Variants in PCDHGB4 observed in about 807,000 individuals in gnomAD.
PCDHGB4 encodes the protein protocadherin gamma subfamily B, 4, also known as protocadherin gamma-B4.
PCDHGB4 carries 38 observed loss-of-function variants against 60.5 expected under a neutral mutation model. The observed-to-expected ratio is 0.63, with a 90% confidence interval of 0.48 to 0.82. PCDHGB4 has a LOEUF of 0.82. Among genes scored for constraint, PCDHGB4 ranks in the 40% least tolerant of loss-of-function variants. The probability of loss-of-function intolerance (pLI) is 0.00; values close to 1 mark genes in which losing one functional copy is unlikely to be tolerated. For missense variants in PCDHGB4, 1,109 were observed against 1,209.6 expected (o/e 0.92, Z 1.23); for synonymous variants, 456 against 509.7 (o/e 0.89, Z 1.42).
chr5:141,398,890 G>A (rs763743728), intron 1 of PCDHGB4: 1 of 1,613,920 alleles, frequency 6.2e-7, no homozygotes, highest in East Asian at 2.2e-5. Context: ...TCGGGAAAAC[G>A]TGCCACCAGG....
rs778336882 is a variant in PCDHGB4, at chr5:141,388,993, G to A, written c.1109G>A (p.Arg370His). The A allele has an allele frequency of 6.2e-7, 1 of 1,614,026 alleles. No individual in the cohort carries two copies. The highest frequency in any genetic ancestry group is 1.1e-5 in the South Asian group (1 of 91,086). Residue 370 changes from arginine to histidine, a missense_variant, in exon 1 of 4, where the codon CGT becomes CAT. This residue lies in a region of PCDHGB4 where 1,068 missense variants were observed against 1,089.9 expected (regional missense o/e 0.98). Coordinates refer to ENST00000519479, the MANE Select transcript of PCDHGB4 (RefSeq NM_003736.4). ...ACACATATTGCTTTGCTCAAAGTCC[G>A]TGACAAGGATTCCAGACACAATGGA... ...LGTHIALLKV[R>H]DKDSRHNGEV...
At chr5:141,427,958 G>A (rs1266312663) in intron 1 of PCDHGB4, 3 of 1,588,290 alleles carry the variant, frequency 1.9e-6, no homozygotes, top group Admixed American at 1.7e-5. Context: ...ACAATGTGCC[G>A]CGGGTGCTGT....
chr5:141,415,901 C>A, intron 1 of PCDHGB4: 1 of 847,932 alleles, frequency 1.2e-6, no homozygotes, highest in Non-Finnish European at 1.6e-6. Context: ...CTAAGACAGA[C>A]TTCCATACAG....
chr5:141,504,645 T>C (rs1481469819), intron 2 of PCDHGB4, among the ~76,000 whole-genome samples: 2 of 112,538 alleles, frequency 1.8e-5, no homozygotes, highest in Non-Finnish European at 3.4e-5. Context: ...GGTTTGATGA[T>C]AGAGTGTTTG....
Position 141,487,650 on chromosome 5 carries a change from G to A in PCDHGB4, c.2398-7157G>A. On this transcript the variant is annotated intron_variant, in intron 1 of 3. Transcript: ENST00000519479. The surrounding 1 kb of genome is among the most constrained non-coding windows in gnomAD (Gnocchi z 5.0). ...TTGCAGGCTCAACAAATGCTTGAGGGTTATTCTGATCCAGGCATATGGCTA... is the reference window on the plus strand; with the variant it reads ...TTGCAGGCTCAACAAATGCTTGAGGATTATTCTGATCCAGGCATATGGCTA... 1 of 1,613,994 alleles carries A rather than the reference G, an allele frequency of 6.2e-7. No individual in the cohort carries two copies. Among genetic ancestry groups the A allele is most frequent in the Non-Finnish European group, 8.5e-7 (1 of 1,179,954 alleles).
chr5:141,431,438 C>A lies in PCDHGB4; in HGVS notation c.2397+41157C>A, dbSNP rs773812765. 6.2e-7 allele frequency: 1 copy of A among 1,613,612 alleles called. No homozygotes were observed. The highest frequency in any genetic ancestry group is 1.7e-5 in the Admixed American group (1 of 60,004). ...CGACCCGGTGCGCACAGGCACCGCG[C>A]GCATCCGCGTGATGGTTCTGGATGC... On this transcript the variant is annotated intron_variant, in intron 1 of 3. Coordinates refer to ENST00000519479, the MANE Select transcript of PCDHGB4 (RefSeq NM_003736.4). This position sits in a 1 kb window ranked among gnomAD's most constrained non-coding sequence, Gnocchi z 4.8.
chr5:141,476,726 C>T lies in PCDHGB4; in HGVS notation c.2398-18081C>T. On this transcript the variant is annotated intron_variant, in intron 1 of 3. Coordinates refer to ENST00000519479, the MANE Select transcript of PCDHGB4 (RefSeq NM_003736.4). This position sits in a 1 kb window ranked among gnomAD's most constrained non-coding sequence, Gnocchi z 7.6. ...GCTGGTGTTGGAGCGCGCCCTGGAC[C>T]GAGAACGGGAGCCTAGTCTCCAGTT... The T allele has an allele frequency of 6.2e-7, 1 of 1,614,116 alleles. No homozygotes were observed. The highest frequency in any genetic ancestry group is 8.5e-7 in the Non-Finnish European group (1 of 1,180,028).
intron 1 of PCDHGB4, chr5:141,408,120 C>T (rs1375123891): frequency 3.4e-6 from 5 of 1,475,704 alleles, no homozygotes. Flanking sequence ...TCCTCCTGTC[C>T]TGGGCCGAAT....
chr5:141,511,793 G>A lies in PCDHGB4; in HGVS notation c.*620G>A, dbSNP rs2099883948. The stretch of plus-strand genomic sequence containing the variant: ...TACTGATGCTTGCTGGATTTAGGGA[G>A]GGCATTTTGCTACCAAGCCTCTTCC... On this transcript the variant is annotated 3_prime_UTR_variant, in exon 4 of 4. Coordinates refer to ENST00000519479, the MANE Select transcript of PCDHGB4 (RefSeq NM_003736.4). 6.4e-6 allele frequency: 1 copy of A among 157,066 alleles called. No homozygotes were observed. The highest frequency in any genetic ancestry group is 2.4e-5 in the African/African-American group (1 of 41,492). 9.7% of individuals were successfully genotyped at this position (157,066 alleles called of 1,614,324 possible). A position where few individuals can be genotyped will look rare whatever the true frequency, so the allele number is the denominator to read the frequency against.
intron 1 of PCDHGB4, chr5:141,405,458 T>C (rs2094670240): frequency 2.4e-6 from 3 of 1,231,152 alleles, no homozygotes; most frequent in Non-Finnish European, 2.3e-6. Flanking sequence ...CTTACTCTGT[T>C]ACCCAGGCTG....
chr5:141,420,826 C>G (rs1246534925), intron 1 of PCDHGB4, among the ~76,000 whole-genome samples: 1 of 152,216 alleles, frequency 6.6e-6, no homozygotes, highest in Non-Finnish European at 1.5e-5. Flanking sequence ...AATAATTACT[C>G]CTTTCGCAGG....
chr5:141,476,642 C>T lies in PCDHGB4; in HGVS notation c.2398-18165C>T. On this transcript the variant is annotated intron_variant, in intron 1 of 3. Transcript: ENST00000519479. This position sits in a 1 kb window ranked among gnomAD's most constrained non-coding sequence, Gnocchi z 7.6. The stretch of plus-strand genomic sequence containing the variant: ...CTCTTTACAAACCTATGAGCTGAGC[C>T]GAAATGAATACTTTGCGCTTCGCGT... The T allele has an allele frequency of 1.9e-6, 3 of 1,614,240 alleles. No individual in the cohort carries two copies. The highest frequency in any genetic ancestry group is 2.5e-6 in the Non-Finnish European group (3 of 1,180,050).
In PCDHGB4 at chr5:141,487,161, T is replaced by C; in HGVS notation, c.2398-7646T>C. Reference sequence around the variant, plus strand: ...CTCTCTACCTCTGTTACTCTCTTAGTGTCCTTAGAGGAAGACACTCATCCA... The same window carrying C: ...CTCTCTACCTCTGTTACTCTCTTAGCGTCCTTAGAGGAAGACACTCATCCA... On this transcript the variant is annotated intron_variant, in intron 1 of 3. Coordinates refer to ENST00000519479, the MANE Select transcript of PCDHGB4 (RefSeq NM_003736.4). This position sits in a 1 kb window ranked among gnomAD's most constrained non-coding sequence, Gnocchi z 5.0. 6.2e-7 allele frequency: 1 copy of C among 1,613,528 alleles called. No homozygotes were observed.
At chr5:141,425,021 CT>C (rs1561817318) in intron 1 of PCDHGB4, among the ~76,000 whole-genome samples, 1 of 152,054 alleles carries the variant, frequency 6.6e-6, no homozygotes, top group Non-Finnish European at 1.5e-5. Context: ...AGGAATTTAC[CT>C]TATGTCATTA....
intron 3 of PCDHGB4, among the ~76,000 whole-genome samples, chr5:141,506,861 G>A (rs2099856791): frequency 6.6e-6 from 1 of 152,178 alleles, no homozygotes; most frequent in African/African-American, 2.4e-5. Context: ...TGGAGGACTG[G>A]TGGGTAGAGA....
chr5:141,446,087 A>G (rs2154561251), intron 1 of PCDHGB4, among the ~76,000 whole-genome samples: 1 of 152,370 alleles, frequency 6.6e-6, no homozygotes, highest in Non-Finnish European at 1.5e-5. Flanking sequence ...GTAGAAATAA[A>G]TGGATGAATT....
At chr5:141,470,016 C>G (rs116065751) in intron 1 of PCDHGB4, among the ~76,000 whole-genome samples, 1 of 152,146 alleles carries the variant, frequency 6.6e-6, no homozygotes, top group Non-Finnish European at 1.5e-5. Context: ...GTAATCCCAG[C>G]TACTCGGGAT....
chr5:141,454,842 C>T lies in PCDHGB4; in HGVS notation c.2398-39965C>T, dbSNP rs543795114. 1.2e-4 allele frequency among the ~76,000 whole-genome samples: 12 copies of T among 101,680 alleles called. No homozygotes were observed. The East Asian group carries it at 3.9e-3, about 33-fold the overall frequency. 66.7% of individuals were successfully genotyped at this position (101,680 alleles called of 152,430 possible). ...TTTTTTTTTGAGACAGAGTCGCGCTCTGTCACCCAGGCTGGAGTGCAGTGG... is the reference window on the plus strand; with the variant it reads ...TTTTTTTTTGAGACAGAGTCGCGCTTTGTCACCCAGGCTGGAGTGCAGTGG... On this transcript the variant is annotated intron_variant, in intron 1 of 3. Coordinates refer to ENST00000519479, the MANE Select transcript of PCDHGB4 (RefSeq NM_003736.4).
Position 141,394,654 on chromosome 5 carries a change from C to G in PCDHGB4, c.2397+4373C>G, listed in dbSNP as rs372355655. On this transcript the variant is annotated intron_variant, in intron 1 of 3. Transcript: ENST00000519479. Reference sequence around the variant, plus strand: ...TACCGCCTGCTCAAGGCCAGCGAGCCGGGACTCTTCTCGGTGGGTCTGCAC... The same window carrying G: ...TACCGCCTGCTCAAGGCCAGCGAGCGGGGACTCTTCTCGGTGGGTCTGCAC... 47 of 1,613,236 alleles carry G rather than the reference C, an allele frequency of 2.9e-5. No homozygotes were observed. The African/African-American group carries it at 5.7e-4, about 20-fold the overall frequency.
Sources: allele counts gnomAD v4.1 joint callset (sites outside exome capture counted in the v4.1 genomes callset), GRCh38; gene constraint gnomAD v4.1.1; regional missense constraint gnomAD v4.1.1; non-coding constraint Gnocchi (gnomAD v3.1); transcripts MANE v1.5; gene names NCBI Gene and HGNC (gene_info 2026-07-23, HGNC 2026-07-21).